C10orf143: variants seen among roughly 807,000 people sequenced by gnomAD.
The protein encoded by C10orf143 is uncharacterized protein C10orf143.
chr10:130,047,252 C>T (rs1860686429), intron 3 of C10orf143, among the ~76,000 whole-genome samples: 1 of 152,156 alleles, frequency 6.6e-6, no homozygotes. Context: ...ATGGGGTTGC[C>T]GTGGGGATGA....
intron 1 of C10orf143, among the ~76,000 whole-genome samples, chr10:130,096,774 A>C (rs1861468896): frequency 6.7e-6 from 1 of 149,638 alleles, no homozygotes; most frequent in Non-Finnish European, 1.5e-5. Context: ...TGGGTGCAGC[A>C]AACCACCATG....
At chr10:130,076,663 T>G (rs1861123225) in intron 3 of C10orf143, among the ~76,000 whole-genome samples, 1 of 152,180 alleles carries the variant, frequency 6.6e-6, no homozygotes, top group African/African-American at 2.4e-5. Context: ...TCATGTACCT[T>G]CTTTTGATTA....
chr10:130,079,492 A>C (rs1186471537), intron 3 of C10orf143, 74 bp downstream of exon 3: 1 of 398,456 alleles, frequency 2.5e-6, no homozygotes, highest in Non-Finnish European at 4.4e-6. Flanking sequence ...GTTTTTATTA[A>C]CTTTGTTTTA....
intron 1 of C10orf143, among the ~76,000 whole-genome samples, chr10:130,103,042 G>A (rs904134517): frequency 2.6e-5 from 4 of 150,988 alleles, no homozygotes; most frequent in Middle Eastern, 3.4e-3. Context: ...GCAATGGTGC[G>A]ATCTCGGCTC....
At chr10:130,107,568 C>A (rs1861675072) in intron 1 of C10orf143, 5 of 1,345,758 alleles carry the variant, frequency 3.7e-6, no homozygotes, top group Non-Finnish European at 5.3e-6. Context: ...GTTCCAAATA[C>A]AGCATTTGGC....
downstream of C10orf143, among the ~76,000 whole-genome samples, chr10:130,060,956 G>A (rs543184045): frequency 2.3e-4 from 35 of 152,196 alleles, no homozygotes; most frequent in African/African-American, 7.7e-4. Flanking sequence ...TAGGCAACAT[G>A]GTGAAGCCCC....
At chr10:130,050,506 G>A (rs996325899) in intron 3 of C10orf143, among the ~76,000 whole-genome samples, 1 of 152,184 alleles carries the variant, frequency 6.6e-6, no homozygotes, top group Non-Finnish European at 1.5e-5. Context: ...CCTAGATAAC[G>A]GAGCAAGACC....
chr10:130,096,501 T>C (rs560100363), intron 1 of C10orf143, among the ~76,000 whole-genome samples: 4 of 148,860 alleles, frequency 2.7e-5, no homozygotes, highest in East Asian at 2.0e-4. Flanking sequence ...TGTATGTTTA[T>C]TGCAGCACTA....
At chr10:130,064,540 TAA>T (rs1297426355) in intron 3 of C10orf143, among the ~76,000 whole-genome samples, 157 bp from the exon 4 acceptor site, 1 of 152,042 alleles carries the variant, frequency 6.6e-6, no homozygotes, top group Non-Finnish European at 1.5e-5. Flanking sequence ...ATAGATATAT[TAA>T]TATATATTAC....
chr10:130,049,211 A>C (rs1860710138), intron 3 of C10orf143, among the ~76,000 whole-genome samples: 1 of 151,986 alleles, frequency 6.6e-6, no homozygotes, highest in African/African-American at 2.4e-5. Context: ...TGCACCTCCT[A>C]TGTTGGATCT....
At chr10:130,107,697 G>A (rs116704172) in intron 1 of C10orf143, 34 of 1,271,960 alleles carry the variant, frequency 2.7e-5, no homozygotes, top group East Asian at 1.2e-4. Context: ...TTGCCTCCAG[G>A]GGGGGAAGGA....
At chr10:130,108,553 T>C (rs1043799060) in intron 1 of C10orf143, 3 of 610,562 alleles carry the variant, frequency 4.9e-6, no homozygotes, top group African/African-American at 3.7e-5. Context: ...TGAAACTTAA[T>C]GGAATTATAA....
intron 1 of C10orf143, among the ~76,000 whole-genome samples, chr10:130,102,300 T>C (rs1046661332): frequency 6.6e-6 from 1 of 152,148 alleles, no homozygotes; most frequent in South Asian, 2.1e-4. Flanking sequence ...TATTTTTTTT[T>C]GAGACACTCT....
chr10:130,105,444 A>C (rs758742986), intron 1 of C10orf143, among the ~76,000 whole-genome samples: 21 of 152,118 alleles, frequency 1.4e-4, no homozygotes, highest in Admixed American at 1.0e-3. Flanking sequence ...AATTCAGATA[A>C]TCCAGGATGG....
At chr10:130,088,022 A>G (rs1861319896) in intron 1 of C10orf143, among the ~76,000 whole-genome samples, 1 of 152,232 alleles carries the variant, frequency 6.6e-6, no homozygotes, top group African/African-American at 2.4e-5. Flanking sequence ...TGAATTAAGC[A>G]TATGTATTAC....
chr10:130,039,126 G>A lies in C10orf143; in HGVS notation c.298-3156C>T, dbSNP rs1048796722. 2.6e-5 allele frequency among the ~76,000 whole-genome samples: 4 copies of A among 151,616 alleles called. No individual in the cohort carries two copies. In the East Asian group the frequency reaches 7.7e-4, roughly 29 times the overall value. ...CAGCCAGTGCTGCTCTGTCACCCCA[G>A]CAGCTGGGAACGGTGACACTAGCCC... On this transcript the variant is annotated intron_variant and NMD_transcript_variant, in intron 3 of 5. Coordinates refer to the C10orf143 transcript ENST00000643056.
At chr10:130,037,828 A>G (rs904352529) in intron 3 of C10orf143, among the ~76,000 whole-genome samples, 2 of 152,214 alleles carry the variant, frequency 1.3e-5, no homozygotes, top group African/African-American at 4.8e-5. Context: ...ATCTTCAAAT[A>G]TGAGGGGAAG....
intron 3 of C10orf143, among the ~76,000 whole-genome samples, chr10:130,047,558 A>AACTT (rs1349825170): frequency 6.6e-6 from 1 of 152,102 alleles, no homozygotes; most frequent in Admixed American, 6.5e-5. Context: ...TGCACTAAGT[A>AACTT]ACTTACTAAG....
chr10:130,063,283 CTAA>C (rs1437474593), downstream of C10orf143, among the ~76,000 whole-genome samples: 8 of 152,190 alleles, frequency 5.3e-5, no homozygotes, highest in Admixed American at 1.3e-4. Flanking sequence ...TGCTGTCCAT[CTAA>C]GAGTTTTCTT....
Sources: gnomAD v4.1 joint callset for allele counts (sites outside exome capture counted in the v4.1 genomes callset) on GRCh38, gnomAD v4.1.1 for gene constraint, MANE v1.5 for transcripts, NCBI Gene and HGNC (gene_info 2026-07-23, HGNC 2026-07-21) for gene names.